Variants in WDSUB1 observed in about 807,000 individuals in gnomAD.
The protein encoded by WDSUB1 is WD repeat, sterile alpha motif and U-box domain containing 1, also known as WD repeat, SAM and U-box domain-containing protein 1.
WDSUB1 carries 49 observed loss-of-function variants against 53.9 expected under a neutral mutation model. The ratio of observed to expected loss-of-function variants is 0.91; its 90% CI spans 0.72 to 1.15. The LOEUF (loss-of-function observed/expected upper bound fraction) is 1.15. Ranked by LOEUF, WDSUB1 falls within the 50% of genes most tolerant of loss-of-function variation. WDSUB1 has a pLI of 0.00. For missense variants in WDSUB1, 514 were observed against 562.0 expected, an observed-to-expected ratio of 0.91 and a Z score of 0.86; for synonymous variants, 194 against 200.6, an observed-to-expected ratio of 0.97 and a Z score of 0.28.
At chr2:159,242,150 A>C (rs1282320449) in intron 10 of WDSUB1, among the ~76,000 whole-genome samples, 1 of 146,916 alleles carries the variant, frequency 6.8e-6, no homozygotes, top group Non-Finnish European at 1.5e-5. Flanking sequence ...TCCTGGGTTC[A>C]TGCCATTCTC....
chr2:159,285,535 ATC>A (rs76663009), intron 1 of WDSUB1, among the ~76,000 whole-genome samples: 22,633 of 151,810 alleles, frequency 0.15, 3,370 homozygotes, highest in African/African-American at 0.38. Flanking sequence ...GCAAGACCCC[ATC>A]TCTCTAAAAA....
At chr2:159,285,965 C>A (rs993862649) in intron 1 of WDSUB1, among the ~76,000 whole-genome samples, 3 of 152,130 alleles carry the variant, frequency 2.0e-5, no homozygotes, top group Non-Finnish European at 4.4e-5. Context: ...GGCTCCCAGC[C>A]CTCTGCCGCA....
intron 4 of WDSUB1, 71 bp downstream of exon 4, chr2:159,275,475 G>A (rs754098882): frequency 1.7e-4 from 217 of 1,278,818 alleles, no homozygotes; most frequent in Non-Finnish European, 2.2e-4. Context: ...GGTACCTTAA[G>A]TAAAAAGATT....
At chr2:159,283,675 G>GA (rs1289853411) in intron 1 of WDSUB1, among the ~76,000 whole-genome samples, 1 of 148,838 alleles carries the variant, frequency 6.7e-6, no homozygotes, top group South Asian at 2.1e-4. Flanking sequence ...AAAAAAAAAA[G>GA]AAAAAAAATC....
chr2:159,259,539 G>A (rs1337321035), intron 6 of WDSUB1, among the ~76,000 whole-genome samples: 1 of 152,178 alleles, frequency 6.6e-6, no homozygotes, highest in Non-Finnish European at 1.5e-5. Flanking sequence ...GATTGTATGT[G>A]ATGTTTTGAA....
chr2:159,242,587 A>G (rs752768590), intron 10 of WDSUB1, among the ~76,000 whole-genome samples: 1 of 147,658 alleles, frequency 6.8e-6, no homozygotes, highest in Non-Finnish European at 1.5e-5. Context: ...CTGAGGAGGC[A>G]GAGGTTGCAG....
chr2:159,247,630 G>A (rs1004899947), intron 10 of WDSUB1, among the ~76,000 whole-genome samples: 1 of 151,304 alleles, frequency 6.6e-6, no homozygotes, highest in Admixed American at 6.6e-5. Flanking sequence ...GACTAATTCT[G>A]CTTTGCAACA....
intron 2 of WDSUB1, among the ~76,000 whole-genome samples, chr2:159,280,211 C>T (rs966077936): frequency 6.6e-6 from 1 of 152,144 alleles, no homozygotes; most frequent in Admixed American, 6.5e-5. Flanking sequence ...CCAAAGTCCA[C>T]ATATCTTCAT....
chr2:159,250,561 T>C (rs7603170), intron 9 of WDSUB1, among the ~76,000 whole-genome samples: 63,916 of 151,982 alleles, frequency 0.42, 14,737 homozygotes, highest in Non-Finnish European at 0.54. Context: ...AGAATGGTCA[T>C]GACAGTTTAT....
intron 4 of WDSUB1, among the ~76,000 whole-genome samples, chr2:159,272,173 G>A (rs548328487): frequency 6.5e-4 from 99 of 152,314 alleles, no homozygotes; most frequent in African/African-American, 2.3e-3. Flanking sequence ...GCAAAATCAC[G>A]TCAAACAGAA....
intron 9 of WDSUB1, among the ~76,000 whole-genome samples, chr2:159,255,787 A>G (rs2061049581): frequency 6.6e-6 from 1 of 152,350 alleles, no homozygotes; most frequent in East Asian, 1.9e-4. Flanking sequence ...CTAAAATTTT[A>G]CTATAGCATA....
chr2:159,267,252 AC>A (rs2061363596), intron 5 of WDSUB1, among the ~76,000 whole-genome samples: 1 of 150,586 alleles, frequency 6.6e-6, no homozygotes, highest in East Asian at 2.0e-4. Flanking sequence ...TTCCAAGGCC[AC>A]CCCTATCTAT....
chr2:159,282,807 A>G lies in WDSUB1; in HGVS notation c.263T>C (p.Met88Thr), dbSNP rs1171430780. 2 of 1,614,212 alleles carry G rather than the reference A, an allele frequency of 1.2e-6. No individual in the cohort carries two copies. Among genetic ancestry groups the G allele is most frequent in the Admixed American group, 1.7e-5 (1 of 60,022 alleles). ...ACTAGGCTGTTCCATCACTGCCAGC[A>G]TCTGTCCATTTTCAGTATTCCATAG... Reference protein sequence around the residue: ...TVLWNTENGQMLAVMEQPSGS... With the variant: ...TVLWNTENGQTLAVMEQPSGS... The change falls in exon 2 of 11, where the codon ATG (methionine) becomes ACG (threonine). Residue 88 changes from methionine to threonine, a missense_variant. Met to Thr is a moderately conservative substitution (Grantham distance 81, BLOSUM62 -1). Transcript: ENST00000359774.
intron 3 of WDSUB1, among the ~76,000 whole-genome samples, chr2:159,276,229 T>TTTCTGTGG (rs1364193619): frequency 1.3e-5 from 2 of 151,972 alleles, no homozygotes; most frequent in Non-Finnish European, 2.9e-5. Context: ...ACCCGGCTAA[T>TTTCTGTGG]TTCTGTGTTT....
chr2:159,271,222 C>G (rs2061438293), intron 5 of WDSUB1, among the ~76,000 whole-genome samples: 1 of 152,138 alleles, frequency 6.6e-6, no homozygotes, highest in Admixed American at 6.5e-5. Context: ...TACAGAAATG[C>G]ATGAACATGT....
intron 10 of WDSUB1, among the ~76,000 whole-genome samples, chr2:159,244,812 T>G (rs1249835733): frequency 1.3e-5 from 2 of 152,086 alleles, no homozygotes; most frequent in Non-Finnish European, 2.9e-5. Flanking sequence ...TGTTTGTGGT[T>G]CCAGCTACTT....
Position 159,236,176 on chromosome 2 carries a change from C to T in WDSUB1, c.1288G>A (p.Glu430Lys), listed in dbSNP as rs1354769669. The T allele has an allele frequency of 6.2e-7, 1 of 1,605,258 alleles. No homozygotes were observed. ...ATCCAATTTTCCATTGCTTCCTTTTCATATGAATAGCCATCTAAAAAAAAA... is the reference window on the plus strand; with the variant it reads ...ATCCAATTTTCCATTGCTTCCTTTTTATATGAATAGCCATCTAAAAAAAAA... The part of the protein sequence containing the change: ...PVIASDGYSY[E>K]KEAMENWISK... Residue 430 changes from glutamate (E) to lysine (K), a missense_variant, in exon 11 of 11, where the codon GAA (glutamate) becomes AAA (lysine). Coordinates refer to ENST00000359774, the MANE Select transcript of WDSUB1 (RefSeq NM_001128212.3).
intron 2 of WDSUB1, 124 bp from the exon 3 acceptor site, chr2:159,280,069 G>A: frequency 1.3e-6 from 1 of 774,236 alleles, no homozygotes; most frequent in Non-Finnish European, 2.0e-6. Flanking sequence ...AGAGAGAAAG[G>A]ACAACTGATG....
intron 5 of WDSUB1, among the ~76,000 whole-genome samples, chr2:159,269,854 C>T (rs546088902): frequency 1.3e-5 from 2 of 152,176 alleles, no homozygotes; most frequent in African/African-American, 4.8e-5. Flanking sequence ...CTCTTACAAA[C>T]TAAAAGGAAT....
Sources: gnomAD v4.1 joint callset for allele counts (sites outside exome capture counted in the v4.1 genomes callset) on GRCh38, gnomAD v4.1.1 for gene constraint, MANE v1.5 for transcripts, NCBI Gene and HGNC (gene_info 2026-07-23, HGNC 2026-07-21) for gene names.